RANBP17: variants seen among roughly 807,000 people sequenced by gnomAD.
RANBP17 encodes RAN binding protein 17, also known as ran-binding protein 17.
RANBP17 carries 158 observed loss-of-function variants against 141.2 expected under a neutral mutation model. The observed-to-expected ratio is 1.12, with a 90% CI of 0.98 to 1.28. The LOEUF is 1.28. Among genes scored for constraint, RANBP17 ranks in the 50% most tolerant of loss-of-function variants. The pLI, the probability that RANBP17 is intolerant of heterozygous loss-of-function variation, is 0.00. For synonymous variants in RANBP17, 430 were observed against 450.0 expected (o/e 0.96, Z 0.56); for missense variants, 1,438 against 1,290.7 (o/e 1.11, Z -1.75).
intron 1 of RANBP17, among the ~76,000 whole-genome samples, chr5:170,865,955 T>C (rs1173725254): frequency 6.6e-6 from 1 of 152,230 alleles, no homozygotes; most frequent in Non-Finnish European, 1.5e-5. Flanking sequence ...CATCAATATA[T>C]GGCAATATGC....
intron 14 of RANBP17, among the ~76,000 whole-genome samples, chr5:171,067,137 G>A (rs753436948): frequency 1.1e-4 from 16 of 151,964 alleles, no homozygotes; most frequent in Non-Finnish European, 2.1e-4. Flanking sequence ...TCTAGTGCCA[G>A]TTTTAATTCC....
chr5:171,055,430 C>CT (rs1783277343), intron 14 of RANBP17, among the ~76,000 whole-genome samples: 1 of 152,012 alleles, frequency 6.6e-6, no homozygotes, highest in African/African-American at 2.4e-5. Flanking sequence ...AATCATGGTA[C>CT]GAATGATTTG....
chr5:171,140,929 TTAATC>T (rs1307042262), intron 14 of RANBP17, among the ~76,000 whole-genome samples: 3 of 152,298 alleles, frequency 2.0e-5, no homozygotes, highest in South Asian at 4.2e-4. Flanking sequence ...CTCCCACCCT[TTAATC>T]TAATCAAGTT....
intron 22 of RANBP17, among the ~76,000 whole-genome samples, chr5:171,226,933 G>A (rs1763916108): frequency 6.6e-6 from 1 of 152,164 alleles, no homozygotes; most frequent in South Asian, 2.1e-4. Flanking sequence ...AAGTATATCA[G>A]TGCCAGCATA....
At chr5:171,093,214 C>CA (rs112255949) in intron 14 of RANBP17, among the ~76,000 whole-genome samples, 88,527 of 141,190 alleles carry the variant, frequency 0.63, 27,674 homozygotes, top group South Asian at 0.86. Context: ...CAGTCTCCCC[C>CA]CAAAAAAAAA....
Position 170,917,615 on chromosome 5 carries a change from T to C in RANBP17, c.954+1031T>C, listed in dbSNP as rs74608464. On this transcript the variant is annotated intron_variant, in intron 9 of 27. Transcript: ENST00000523189. ...TTGTTTTTGCATATTCTCAGAAGTG[T>C]TTTATGGGTTATGCATTTATTTTAT... Among the ~76,000 whole-genome samples, 202 of 152,252 alleles carry C rather than the reference T, an allele frequency of 1.3e-3. 3 individuals are homozygous for C. The East Asian group carries it at 0.037, about 28-fold the overall frequency.
At chr5:170,903,881 G>A (rs1333391128) in intron 5 of RANBP17, 2 of 501,110 alleles carry the variant, frequency 4.0e-6, no homozygotes, top group Non-Finnish European at 7.9e-6. Context: ...CCCTTAATAA[G>A]GACCATAATG....
chr5:170,958,756 T>A (rs1340575062), intron 13 of RANBP17, among the ~76,000 whole-genome samples: 1 of 152,200 alleles, frequency 6.6e-6, no homozygotes, highest in Non-Finnish European at 1.5e-5. Flanking sequence ...TAAAAGCTCC[T>A]AACATTGTGA....
rs1254810726 is a variant in RANBP17, at chr5:171,299,261, C to T, written c.*403C>T. 10 of 243,152 alleles carry T rather than the reference C, an allele frequency of 4.1e-5. No homozygotes were observed. Among genetic ancestry groups the T allele is most frequent in the African/African-American group, 1.3e-4 (6 of 45,480 alleles). The allele number at this position is 243,152 out of a possible 1,614,324, so 15.1% of individuals were successfully genotyped here. Reference sequence around the variant, plus strand: ...CTTCACCATGGATCCTGGATTGAGACGAATGCCATTGGAACCTGTTAAATG... The same window carrying T: ...CTTCACCATGGATCCTGGATTGAGATGAATGCCATTGGAACCTGTTAAATG... On this transcript the variant is annotated 3_prime_UTR_variant, in exon 28 of 28. Coordinates refer to ENST00000523189, the MANE Select transcript of RANBP17 (RefSeq NM_022897.5).
intron 1 of RANBP17, among the ~76,000 whole-genome samples, chr5:170,874,653 C>CT (rs56729722): frequency 0.67 from 99,826 of 148,312 alleles, 33,477 homozygotes; most frequent in South Asian, 0.88. Context: ...TTAACCCCTG[C>CT]TTTTTTTTTT....
chr5:171,171,292 C>A lies in RANBP17; in HGVS notation c.1865+6C>A. On this transcript the variant is annotated splice_donor_region_variant and intron_variant, in intron 16 of 27. Coordinates refer to ENST00000523189, the MANE Select transcript of RANBP17 (RefSeq NM_022897.5). ...CTAAATGACCTTTCTGTTGGATATC[C>A]TTTTCACTGTATATCTGACATTATG... The A allele has an allele frequency of 1.3e-6, 2 of 1,498,570 alleles. No individual in the cohort carries two copies. Among genetic ancestry groups the A allele is most frequent in the Non-Finnish European group, 1.8e-6 (2 of 1,082,160 alleles). The allele number at this position is 1,498,570 out of a possible 1,614,324, so 92.8% of individuals were successfully genotyped here. A position where few individuals can be genotyped will look rare whatever the true frequency, so the allele number is the denominator to read the frequency against.
At chr5:171,187,971 A>T (rs1471133787) in intron 18 of RANBP17, among the ~76,000 whole-genome samples, 4 of 152,278 alleles carry the variant, frequency 2.6e-5, no homozygotes, top group South Asian at 2.1e-4. Flanking sequence ...AAGAAAAATA[A>T]TTTTTTTGCC....
chr5:171,176,326 G>A (rs369984795), intron 16 of RANBP17, among the ~76,000 whole-genome samples: 1 of 151,892 alleles, frequency 6.6e-6, no homozygotes, highest in Admixed American at 6.6e-5. Context: ...TTGCTTGCTT[G>A]TTTTAAGTAC....
At chr5:170,938,853 G>A (rs554434152) in intron 12 of RANBP17, among the ~76,000 whole-genome samples, 2 of 152,134 alleles carry the variant, frequency 1.3e-5, no homozygotes, top group African/African-American at 4.8e-5. Flanking sequence ...CAGAAAGATA[G>A]AATAGAGGAA....
At chr5:171,211,808 T>C (rs911529538) in intron 20 of RANBP17, among the ~76,000 whole-genome samples, 2 of 152,138 alleles carry the variant, frequency 1.3e-5, no homozygotes, top group African/African-American at 4.8e-5. Context: ...TTAGGAAGCA[T>C]ACCACTCTTA....
chr5:171,254,202 A>G (rs1230615863), intron 24 of RANBP17, among the ~76,000 whole-genome samples: 1 of 150,508 alleles, frequency 6.6e-6, no homozygotes, highest in East Asian at 2.0e-4. Context: ...AGACGAGATC[A>G]TGTCACTGAA....
chr5:171,137,530 A>T (rs1316820648), intron 14 of RANBP17, among the ~76,000 whole-genome samples: 2 of 149,400 alleles, frequency 1.3e-5, no homozygotes, highest in African/African-American at 4.9e-5. Context: ...TATAAGAGAA[A>T]CTTCTTAATT....
At chr5:171,281,798 C>G (rs1382249920) in intron 25 of RANBP17, among the ~76,000 whole-genome samples, 1 of 152,114 alleles carries the variant, frequency 6.6e-6, no homozygotes, top group East Asian at 1.9e-4. Context: ...GTGAAAGAAA[C>G]CTTGTAGATA....
At chr5:171,071,254 C>T (rs1402300709) in intron 14 of RANBP17, among the ~76,000 whole-genome samples, 1 of 151,990 alleles carries the variant, frequency 6.6e-6, no homozygotes, top group East Asian at 1.9e-4. Flanking sequence ...TGCAATTGAG[C>T]TCAATATTGT....
Sources: gnomAD v4.1 joint callset for allele counts (sites outside exome capture counted in the v4.1 genomes callset) on GRCh38, gnomAD v4.1.1 for gene constraint, MANE v1.5 for transcripts, NCBI Gene and HGNC (gene_info 2026-07-23, HGNC 2026-07-21) for gene names.